Variants in OIT3 observed in about 807,000 individuals in gnomAD.
OIT3 encodes oncoprotein induced transcript 3.
A neutral mutation model predicts 52.2 loss-of-function variants in OIT3; 41 were observed. The ratio of observed to expected loss-of-function variants is 0.79; its 90% CI spans 0.61 to 1.02. OIT3 has a LOEUF of 1.02. Among genes scored for constraint, OIT3 ranks in the 50% least tolerant of loss-of-function variants. The pLI, the probability that OIT3 is intolerant of heterozygous loss-of-function variation, is 0.00. For missense variants in OIT3, 634 were observed against 715.5 expected (o/e 0.89, Z 1.30); for synonymous variants, 244 against 276.9 (o/e 0.88, Z 1.18).
chr10:72,928,127 T>C (rs1039297197), intron 7 of OIT3, among the ~76,000 whole-genome samples: 5 of 152,220 alleles, frequency 3.3e-5, no homozygotes, highest in Non-Finnish European at 5.9e-5. Context: ...TTAAATCAAG[T>C]TGGTTCTCCC....
chr10:72,913,521 G>T, intron 6 of OIT3, 53 bp downstream of exon 6: 1 of 1,427,894 alleles, frequency 7.0e-7, no homozygotes, highest in South Asian at 1.2e-5. Context: ...GGTTATTTGG[G>T]AGGCAGTGGA....
At chr10:72,912,520 C>T (rs1176083099) in intron 5 of OIT3, among the ~76,000 whole-genome samples, 1 of 152,140 alleles carries the variant, frequency 6.6e-6, no homozygotes, top group Non-Finnish European at 1.5e-5. Context: ...AGCCGCCCTC[C>T]TTGGCTTCCC....
chr10:72,896,673 A>T (rs1845878006), intron 1 of OIT3, among the ~76,000 whole-genome samples: 2 of 152,236 alleles, frequency 1.3e-5, no homozygotes, highest in Non-Finnish European at 2.9e-5. Context: ...AAAAATCTAA[A>T]GTATTTTCTA....
intron 3 of OIT3, among the ~76,000 whole-genome samples, chr10:72,900,711 T>C (rs1209934675): frequency 6.6e-6 from 1 of 152,122 alleles, no homozygotes; most frequent in Non-Finnish European, 1.5e-5. Flanking sequence ...CAGATGGCCA[T>C]GGTGCACTTG....
chr10:72,912,766 C>G (rs980473950), intron 5 of OIT3, among the ~76,000 whole-genome samples: 2 of 152,128 alleles, frequency 1.3e-5, no homozygotes, highest in African/African-American at 4.8e-5. Context: ...TAAGGAAAAG[C>G]AATCTTTTTT....
chr10:72,919,993 A>G (rs1305463889), intron 6 of OIT3, among the ~76,000 whole-genome samples: 1 of 152,078 alleles, frequency 6.6e-6, no homozygotes, highest in Non-Finnish European at 1.5e-5. Context: ...CCTCCCTTTC[A>G]ATTTTTTGAA....
At chr10:72,908,088 C>CA (rs1845995809) in intron 4 of OIT3, among the ~76,000 whole-genome samples, 1 of 152,004 alleles carries the variant, frequency 6.6e-6, no homozygotes, top group Non-Finnish European at 1.5e-5. Flanking sequence ...ATTAAAAATA[C>CA]AAAAATTAGC....
Position 72,906,678 on chromosome 10 carries a change from G to A in OIT3, c.627G>A (p.Gly209=), listed in dbSNP as rs1383037988. ...NLKNSYRCEC[G]VGRVLRSDGK... Reference sequence around the variant, plus strand: ...AAAACTCCTACCGCTGTGAGTGTGGGGTTGGCCGTGTGCTAAGAAGTGATG... The same window carrying A: ...AAAACTCCTACCGCTGTGAGTGTGGAGTTGGCCGTGTGCTAAGAAGTGATG... Residue 209 remains glycine (G), a synonymous_variant, in exon 4 of 9, where the codon GGG becomes GGA. Coordinates refer to ENST00000334011, the MANE Select transcript of OIT3 (RefSeq NM_152635.3). 1 of 1,609,712 alleles carries A rather than the reference G, an allele frequency of 6.2e-7. No homozygotes were observed. The highest frequency in any genetic ancestry group is 8.5e-7 in the Non-Finnish European group (1 of 1,178,000).
chr10:72,927,949 T>C (rs1308567642), intron 7 of OIT3, among the ~76,000 whole-genome samples: 1 of 152,124 alleles, frequency 6.6e-6, no homozygotes, highest in Non-Finnish European at 1.5e-5. Flanking sequence ...TCCTAGCATA[T>C]GGTAAGGGTC....
In OIT3 at chr10:72,895,276, C is replaced by T. The variant is rs542795245; in HGVS notation, c.61+1417C>T. Among the ~76,000 whole-genome samples the T allele has an allele frequency of 5.3e-5, 8 of 152,282 alleles. No homozygotes were observed. In the South Asian group the frequency reaches 1.2e-3, roughly 24 times the overall value. On this transcript the variant is annotated intron_variant, in intron 1 of 8. Transcript: ENST00000334011. ...CAAGGGTCGCTCAGAAAGTTGTCCT[C>T]CCGAAAATCTCCACTCCCCTTTCTT...
intron 4 of OIT3, among the ~76,000 whole-genome samples, chr10:72,907,751 TC>T (rs1411898824): frequency 2.6e-5 from 4 of 152,184 alleles, no homozygotes; most frequent in Non-Finnish European, 4.4e-5. Flanking sequence ...AATAAAATAA[TC>T]TATTTTATTT....
At chr10:72,900,524 C>A in intron 3 of OIT3, 40 bp downstream of exon 3, 2 of 1,122,236 alleles carry the variant, frequency 1.8e-6, no homozygotes. Flanking sequence ...CTATTAGGAT[C>A]GAAAGGACAA....
chr10:72,896,284 A>G (rs1202412267), intron 1 of OIT3, among the ~76,000 whole-genome samples: 1 of 152,214 alleles, frequency 6.6e-6, no homozygotes, highest in Non-Finnish European at 1.5e-5. Flanking sequence ...AGAGGAATCA[A>G]ATATTTCTAT....
intron 3 of OIT3, among the ~76,000 whole-genome samples, chr10:72,906,141 A>G (rs551847278): frequency 6.6e-6 from 1 of 152,352 alleles, no homozygotes; most frequent in Admixed American, 6.5e-5. Flanking sequence ...TGAGGGTAAT[A>G]GTTCATGTTA....
chr10:72,930,957 CAAATGGCAAGGG>C (rs1363894798), intron 8 of OIT3, among the ~76,000 whole-genome samples: 1 of 151,972 alleles, frequency 6.6e-6, no homozygotes, highest in Non-Finnish European at 1.5e-5. Flanking sequence ...GGTGATTGGT[CAAATGGCAAGGG>C]ATATGGACAG....
intron 3 of OIT3, among the ~76,000 whole-genome samples, chr10:72,902,400 G>T (rs1378173460): frequency 6.6e-6 from 1 of 152,136 alleles, no homozygotes; most frequent in Non-Finnish European, 1.5e-5. Flanking sequence ...AAACTGTCCA[G>T]CTCTCAGTCA....
intron 1 of OIT3, among the ~76,000 whole-genome samples, chr10:72,894,062 A>T (rs1038039641): frequency 6.6e-5 from 10 of 152,188 alleles, no homozygotes; most frequent in Admixed American, 6.5e-5. Flanking sequence ...TGGACTCCAA[A>T]ATTTCCATGG....
intron 4 of OIT3, among the ~76,000 whole-genome samples, chr10:72,908,318 A>G (rs1845998492): frequency 6.6e-6 from 1 of 152,182 alleles, no homozygotes; most frequent in African/African-American, 2.4e-5. Flanking sequence ...GGAGAGATAA[A>G]TGGTGTAATT....
At chr10:72,899,423 T>C (rs1340846001) in intron 2 of OIT3, among the ~76,000 whole-genome samples, 3 of 151,858 alleles carry the variant, frequency 2.0e-5, no homozygotes, top group Non-Finnish European at 4.4e-5. Context: ...GGTGAAACCC[T>C]GTCTCTACTA....
Sources: allele counts gnomAD v4.1 joint callset (sites outside exome capture counted in the v4.1 genomes callset), GRCh38; gene constraint gnomAD v4.1.1; transcripts MANE v1.5; gene names NCBI Gene and HGNC (gene_info 2026-07-23, HGNC 2026-07-21).